Variants in FARS2 observed in about 807,000 individuals in gnomAD.
The protein encoded by FARS2 is phenylalanyl-tRNA synthetase 2, mitochondrial.
A neutral mutation model predicts 46.4 loss-of-function variants in FARS2; 40 were observed. The observed-to-expected ratio is 0.86, with a 90% CI of 0.67 to 1.12. The LOEUF (loss-of-function observed/expected upper bound fraction) is 1.12, where lower values mean the gene tolerates loss of function less well. Among genes scored for constraint, FARS2 ranks in the 50% most tolerant of loss-of-function variants. The pLI, the probability that FARS2 is intolerant of heterozygous loss-of-function variation, is 0.00. For synonymous variants in FARS2, 234 were observed against 214.9 expected (o/e 1.09, Z -0.78); for missense variants, 513 against 567.9 (o/e 0.90, Z 0.98).
intron 6 of FARS2, among the ~76,000 whole-genome samples, chr6:5,675,092 G>A (rs1280867494): frequency 3.9e-5 from 6 of 152,168 alleles, no homozygotes; most frequent in Non-Finnish European, 8.8e-5. Context: ...AAAATACAGA[G>A]TTTGTCACAA....
chr6:5,651,088 G>A (rs1777337193), intron 6 of FARS2, among the ~76,000 whole-genome samples: 1 of 152,116 alleles, frequency 6.6e-6, no homozygotes, highest in African/African-American at 2.4e-5. Context: ...TTCCCTCTCA[G>A]GTATAAAGTA....
At chr6:5,532,783 T>TAAGAAGAAGAAGAAGAAG (rs756604628) in intron 4 of FARS2, among the ~76,000 whole-genome samples, 46 of 138,748 alleles carry the variant, frequency 3.3e-4, no homozygotes, top group African/African-American at 1.2e-3. Context: ...ATAATAATAA[T>TAAGAAGAAGAAGAAGAAG]AAGAAGAAGA....
intron 5 of FARS2, among the ~76,000 whole-genome samples, chr6:5,595,768 A>G (rs1774164267): frequency 1.3e-5 from 2 of 152,168 alleles, no homozygotes; most frequent in South Asian, 2.1e-4. Flanking sequence ...ACGCTTACCG[A>G]CGCTGACACC....
At chr6:5,715,685 A>G (rs1759451199) in intron 6 of FARS2, among the ~76,000 whole-genome samples, 2 of 152,224 alleles carry the variant, frequency 1.3e-5, no homozygotes. Context: ...ATAGTAGTTT[A>G]TTGTATGAAT....
intron 4 of FARS2, among the ~76,000 whole-genome samples, chr6:5,431,985 C>T (rs1763196687): frequency 6.7e-6 from 1 of 150,192 alleles, no homozygotes; most frequent in Non-Finnish European, 1.5e-5. Context: ...TTGAAAGTTA[C>T]TATCTGAATT....
chr6:5,421,440 C>T (rs2043958768), intron 3 of FARS2, among the ~76,000 whole-genome samples: 2 of 152,192 alleles, frequency 1.3e-5, no homozygotes, highest in Admixed American at 6.5e-5. Context: ...TAACTTTCAC[C>T]TTCTTGTTAC....
chr6:5,586,904 A>G (rs1357769117), intron 5 of FARS2, among the ~76,000 whole-genome samples: 3 of 152,160 alleles, frequency 2.0e-5, no homozygotes, highest in African/African-American at 7.2e-5. Context: ...TACTTAGAAG[A>G]CTGATTATAA....
chr6:5,719,401 A>AAG (rs1759728213), intron 6 of FARS2, among the ~76,000 whole-genome samples: 2 of 149,970 alleles, frequency 1.3e-5, no homozygotes, highest in South Asian at 4.2e-4. Flanking sequence ...AAAATTAAAA[A>AAG]AAAAAAAAAA....
chr6:5,481,210 G>C (rs1242647958), intron 4 of FARS2, among the ~76,000 whole-genome samples: 4 of 152,196 alleles, frequency 2.6e-5, no homozygotes, highest in Non-Finnish European at 5.9e-5. Context: ...GAGCCCAGGG[G>C]AGCCCTCCGT....
intron 4 of FARS2, among the ~76,000 whole-genome samples, chr6:5,519,976 G>T (rs1263777060): frequency 6.6e-6 from 1 of 152,128 alleles, no homozygotes; most frequent in Non-Finnish European, 1.5e-5. Context: ...CTTAAAATTC[G>T]ACTTTGCTTC....
intron 2 of FARS2, among the ~76,000 whole-genome samples, chr6:5,370,874 C>T (rs542778627): frequency 2.6e-5 from 4 of 152,166 alleles, no homozygotes; most frequent in Non-Finnish European, 5.9e-5. Flanking sequence ...AAATTATGCT[C>T]ATGTGTATGT....
intron 6 of FARS2, among the ~76,000 whole-genome samples, chr6:5,695,958 G>C (rs1456314978): frequency 6.6e-6 from 1 of 152,134 alleles, no homozygotes; most frequent in Non-Finnish European, 1.5e-5. Flanking sequence ...TGTGAACATG[G>C]GACAGGATGC....
intron 4 of FARS2, among the ~76,000 whole-genome samples, chr6:5,518,290 G>A (rs1189240921): frequency 6.6e-6 from 1 of 152,202 alleles, no homozygotes; most frequent in African/African-American, 2.4e-5. Context: ...TGGGTGACAG[G>A]TGGGCAGTTG....
chr6:5,564,334 T>C (rs902740900), intron 5 of FARS2, among the ~76,000 whole-genome samples: 8 of 152,202 alleles, frequency 5.3e-5, no homozygotes, highest in Admixed American at 1.3e-4. Context: ...TATGGGCACC[T>C]TACTCACTTT....
intron 1 of FARS2, among the ~76,000 whole-genome samples, chr6:5,270,287 G>T (rs1198033999): frequency 6.6e-6 from 1 of 152,082 alleles, no homozygotes; most frequent in Non-Finnish European, 1.5e-5. Flanking sequence ...CATGTGCCTG[G>T]GCATTCATAA....
intron 6 of FARS2, among the ~76,000 whole-genome samples, chr6:5,685,544 C>A (rs1757133703): frequency 6.6e-6 from 1 of 152,176 alleles, no homozygotes; most frequent in African/African-American, 2.4e-5. Flanking sequence ...GTCCTCAGGA[C>A]CTGGCCTACT....
chr6:5,312,074 C>A (rs1427966399), intron 1 of FARS2, among the ~76,000 whole-genome samples: 1 of 152,116 alleles, frequency 6.6e-6, no homozygotes, highest in East Asian at 1.9e-4. Context: ...GAACTTTTTA[C>A]ATGTGTAGAA....
intron 1 of FARS2, among the ~76,000 whole-genome samples, chr6:5,317,918 T>G (rs1198095624): frequency 5.9e-5 from 9 of 152,106 alleles, no homozygotes; most frequent in African/African-American, 2.2e-4. Flanking sequence ...CTGGAGGGCT[T>G]CACTCTTGTA....
intron 4 of FARS2, among the ~76,000 whole-genome samples, chr6:5,453,224 A>G (rs968363812): frequency 1.4e-4 from 22 of 152,244 alleles, no homozygotes; most frequent in Non-Finnish European, 4.4e-5. Flanking sequence ...ATCTGGAGAA[A>G]ACAAAAACCA....
Sources: allele counts gnomAD v4.1 joint callset (sites outside exome capture counted in the v4.1 genomes callset), GRCh38; gene constraint gnomAD v4.1.1; transcripts MANE v1.5; gene names NCBI Gene and HGNC (gene_info 2026-07-23, HGNC 2026-07-21).